DNAJC27: variants seen among roughly 807,000 people sequenced by gnomAD.
DNAJC27 encodes DnaJ heat shock protein family (Hsp40) member C27.
In DNAJC27, 25 loss-of-function variants were observed where a neutral mutation model predicts 31.4. That is an observed-to-expected ratio of 0.80 (90% CI 0.58 to 1.11). The LOEUF is 1.11. DNAJC27 is among the 50% of genes most tolerant of loss of function. The probability of loss-of-function intolerance (pLI) is 0.00; values close to 1 mark genes in which losing one functional copy is unlikely to be tolerated. For missense variants in DNAJC27, 356 were observed against 347.3 expected (o/e 1.02, Z -0.20); for synonymous variants, 106 against 112.7 (o/e 0.94, Z 0.37).
At position 24,943,849 on chromosome 2, in the gene DNAJC27, A is replaced by T. The variant is rs1339800112; in HGVS notation, c.*3767T>A. 1 of 152,696 alleles carries T rather than the reference A, an allele frequency of 6.5e-6. No homozygotes were observed. The highest frequency in any genetic ancestry group is 1.5e-5 in the Non-Finnish European group (1 of 68,074). 9.5% of individuals were successfully genotyped at this position (152,696 alleles called of 1,614,324 possible). On this transcript the variant is annotated 3_prime_UTR_variant, in exon 7 of 7. Coordinates refer to ENST00000264711, the MANE Select transcript of DNAJC27 (RefSeq NM_016544.3). ...ACGCCCAGGGGCAATCAATGCAGGA[A>T]GCTAACCAACACTGTCCAGCTCTCC... is the stretch of plus-strand genomic sequence containing the variant.
At chr2:24,960,112 C>A (rs1666005041) in intron 3 of DNAJC27, among the ~76,000 whole-genome samples, 4 of 152,168 alleles carry the variant, frequency 2.6e-5, no homozygotes, top group Non-Finnish European at 5.9e-5. Flanking sequence ...TCTATTGATG[C>A]CATTTTTCCA....
intron 6 of DNAJC27, among the ~76,000 whole-genome samples, chr2:24,948,052 T>C (rs1210079482): frequency 6.6e-6 from 1 of 152,206 alleles, no homozygotes; most frequent in East Asian, 1.9e-4. Flanking sequence ...GCACTCAGCA[T>C]ATCTTTGCTG....
chr2:24,958,649 G>T, intron 3 of DNAJC27: 2 of 275,028 alleles, frequency 7.3e-6, no homozygotes, highest in Non-Finnish European at 1.5e-5. Context: ...TATTATGATG[G>T]TTAAATGAGA....
At chr2:24,963,105 T>C (rs1666089298) in intron 3 of DNAJC27, 1 of 256,980 alleles carries the variant, frequency 3.9e-6, no homozygotes, top group Non-Finnish European at 7.4e-6. Flanking sequence ...AATGTAATTA[T>C]TTTTTTTTTC....
rs2149117470 is a variant in DNAJC27, at chr2:24,944,061, G to A, written c.*3555C>T. ...CAATTGTGCTAAATACCAATTATGA[G>A]AAGTACGAACCTCTCTTCACTTTGC... On this transcript the variant is annotated 3_prime_UTR_variant, in exon 7 of 7. Transcript: ENST00000264711. The A allele has an allele frequency of 6.6e-6, 1 of 152,348 alleles. No homozygotes were observed. Among genetic ancestry groups the A allele is most frequent in the South Asian group, 2.1e-4 (1 of 4,830 alleles). The allele number at this position is 152,348 out of a possible 1,614,324, so 9.4% of individuals were successfully genotyped here.
At chr2:24,950,438 G>A (rs888479083) in intron 6 of DNAJC27, among the ~76,000 whole-genome samples, 5 of 152,202 alleles carry the variant, frequency 3.3e-5, no homozygotes, top group South Asian at 2.1e-4. Context: ...GAATTAGACC[G>A]TTGAAAGTTA....
Position 24,944,265 on chromosome 2 carries a change from C to A in DNAJC27, c.*3351G>T, listed in dbSNP as rs1665594319. 1 of 151,998 alleles carries A rather than the reference C, an allele frequency of 6.6e-6. No individual in the cohort carries two copies. Among genetic ancestry groups the A allele is most frequent in the East Asian group, 1.9e-4 (1 of 5,184 alleles). 9.4% of individuals were successfully genotyped at this position (151,998 alleles called of 1,614,324 possible). A position where few individuals can be genotyped will look rare whatever the true frequency, so the allele number is the denominator to read the frequency against. ...CTGTCACTGTCAAAGGCAACAAGCA[C>A]ATGGCTTACAGCTCCACCTTTCTAA... On this transcript the variant is annotated 3_prime_UTR_variant, in exon 7 of 7. Transcript: ENST00000264711.
intron 2 of DNAJC27, among the ~76,000 whole-genome samples, chr2:24,964,179 G>A (rs1666119189): frequency 6.6e-6 from 1 of 152,148 alleles, no homozygotes; most frequent in South Asian, 2.1e-4. Context: ...CCAGCACTGT[G>A]GGAGGCCGAG....
At chr2:24,950,903 C>A (rs974321505) in intron 6 of DNAJC27, among the ~76,000 whole-genome samples, 1 of 151,754 alleles carries the variant, frequency 6.6e-6, no homozygotes, top group Non-Finnish European at 1.5e-5. Flanking sequence ...GAGGAACTTG[C>A]AGGGCTTTAG....
chr2:24,954,079 A>G (rs973205132), intron 5 of DNAJC27, among the ~76,000 whole-genome samples: 1 of 152,166 alleles, frequency 6.6e-6, no homozygotes, highest in African/African-American at 2.4e-5. Context: ...TCATTGAGCT[A>G]AGGAGGAGGT....
chr2:24,963,104 ATT>A, intron 3 of DNAJC27: 2 of 292,750 alleles, frequency 6.8e-6, no homozygotes, highest in Non-Finnish European at 1.3e-5. Flanking sequence ...AAATGTAATT[ATT>A]TTTTTTTTCA....
intron 1 of DNAJC27, among the ~76,000 whole-genome samples, chr2:24,967,530 G>A (rs1413952396): frequency 2.0e-5 from 3 of 151,888 alleles, no homozygotes; most frequent in African/African-American, 7.3e-5. Flanking sequence ...GCGAAACCCC[G>A]TCTCTACAAA....
chr2:24,952,945 G>A (rs1665815798), intron 5 of DNAJC27, among the ~76,000 whole-genome samples: 1 of 151,630 alleles, frequency 6.6e-6, no homozygotes, highest in Admixed American at 6.6e-5. Context: ...TTTGAGACAG[G>A]GTCTCTCTAT....
chr2:24,966,972 T>C (rs1186150463), intron 2 of DNAJC27, among the ~76,000 whole-genome samples: 2 of 152,364 alleles, frequency 1.3e-5, no homozygotes, highest in Non-Finnish European at 2.9e-5. Context: ...TTCATTGCTG[T>C]AGCCTACACC....
At chr2:24,958,589 T>C in intron 3 of DNAJC27, 1 of 417,910 alleles carries the variant, frequency 2.4e-6, no homozygotes, top group Non-Finnish European at 5.0e-6. Flanking sequence ...TCTCTGCGTC[T>C]CAGTTTCCTC....
At chr2:24,972,037 C>T (rs1432101950), upstream of DNAJC27, 1 of 661,586 alleles carries the variant, frequency 1.5e-6, no homozygotes, top group Non-Finnish European at 2.3e-6. Context: ...GCCATCCCCG[C>T]CGCTGCCTGG....
At chr2:24,971,782 C>A (rs1187510145) in intron 1 of DNAJC27, 36 bp downstream of exon 1, 21 of 1,564,470 alleles carry the variant, frequency 1.3e-5, no homozygotes, top group Non-Finnish European at 1.8e-5. Context: ...CGCCCCGCCA[C>A]GCTGGGGCCC....
intron 5 of DNAJC27, among the ~76,000 whole-genome samples, chr2:24,955,919 T>A (rs1292240771): frequency 2.6e-5 from 4 of 152,240 alleles, no homozygotes; most frequent in African/African-American, 9.6e-5. Flanking sequence ...TGAGATGAAA[T>A]GTGTAAAATT....
At chr2:24,967,040 G>A (rs1666201997) in intron 2 of DNAJC27, among the ~76,000 whole-genome samples, 171 bp downstream of exon 2, 1 of 152,174 alleles carries the variant, frequency 6.6e-6, no homozygotes, top group Non-Finnish European at 1.5e-5. Flanking sequence ...CTGAATGAAT[G>A]ATATGATCAC....
Sources: allele counts gnomAD v4.1 joint callset (sites outside exome capture counted in the v4.1 genomes callset), GRCh38; gene constraint gnomAD v4.1.1; transcripts MANE v1.5; gene names NCBI Gene and HGNC (gene_info 2026-07-23, HGNC 2026-07-21).